The following TCF12 variants were observed in gnomAD, a reference collection of about 807,000 sequenced individuals.
The protein encoded by TCF12 is DNA-binding protein HTF4.
A neutral mutation model predicts 86.0 loss-of-function variants in TCF12; 45 were observed. That is an observed-to-expected ratio of 0.52 (90% CI 0.41 to 0.67). TCF12 has a LOEUF of 0.67. Ranked by LOEUF, TCF12 falls within the 30% of genes least tolerant of loss-of-function variation. The pLI is 0.00. For synonymous variants in TCF12, 330 were observed against 299.6 expected (o/e 1.10, Z -1.05); for missense variants, 881 against 859.9 (o/e 1.02, Z -0.31).
intron 5 of TCF12, among the ~76,000 whole-genome samples, chr15:57,132,150 T>C (rs2052175190): frequency 6.6e-6 from 1 of 152,130 alleles, no homozygotes; most frequent in Non-Finnish European, 1.5e-5. Flanking sequence ...GCCCCCTCAC[T>C]AAAACAAACA....
intron 5 of TCF12, chr15:57,118,568 G>T (rs542757239): frequency 6.6e-6 from 1 of 152,126 alleles, no homozygotes; most frequent in African/African-American, 2.4e-5. Flanking sequence ...TTCTGAACTT[G>T]CCTGTGGAAA....
chr15:57,179,037 A>G (rs773402098), intron 6 of TCF12, among the ~76,000 whole-genome samples: 2 of 136,106 alleles, frequency 1.5e-5, no homozygotes, highest in Non-Finnish European at 3.1e-5. Flanking sequence ...GGAAGTTGAG[A>G]AAAAAAAAAA....
intron 14 of TCF12, 146 bp from the exon 15 acceptor site, chr15:57,252,275 T>C: frequency 1.7e-6 from 1 of 589,028 alleles, no homozygotes; most frequent in South Asian, 2.4e-5. Flanking sequence ...CCCAGCCTTT[T>C]CATATCTTAA....
At chr15:57,071,980 GA>G (rs1206620285) in intron 4 of TCF12, among the ~76,000 whole-genome samples, 3 of 152,092 alleles carry the variant, frequency 2.0e-5, no homozygotes, top group African/African-American at 4.8e-5. Flanking sequence ...CATTTCTGTA[GA>G]AAAAAATGTT....
chr15:57,090,930 G>A (rs949893296), intron 4 of TCF12, among the ~76,000 whole-genome samples: 9 of 152,258 alleles, frequency 5.9e-5, no homozygotes, highest in African/African-American at 1.7e-4. Flanking sequence ...AACCAGGACA[G>A]GTTTCATCAC....
At chr15:57,256,588 T>C (rs16977352) in intron 16 of TCF12, among the ~76,000 whole-genome samples, 7,200 of 136,388 alleles carry the variant, frequency 0.053, 523 homozygotes, top group African/African-American at 0.16. Context: ...TTTGGTCTCT[T>C]ATAACTTTCC....
At chr15:57,121,489 A>G (rs1467295365) in intron 5 of TCF12, among the ~76,000 whole-genome samples, 3 of 152,218 alleles carry the variant, frequency 2.0e-5, no homozygotes, top group East Asian at 1.9e-4. Flanking sequence ...GAGCTTCACT[A>G]TCATAAATAG....
In TCF12 at chr15:57,087,832, G is replaced by A. The variant is rs72731915; in HGVS notation, c.223-3957G>A. On this transcript the variant is annotated intron_variant, in intron 4 of 20. Coordinates refer to ENST00000333725, the MANE Select transcript of TCF12 (RefSeq NM_207037.2). ...TTTTGGTGTTCAATAGCATATTGTG[G>A]CTAAAAGGCTGGTGTAATAGATAAT... 2.5e-3 allele frequency among the ~76,000 whole-genome samples: 386 copies of A among 152,268 alleles called. 2 individuals carry two copies. The highest frequency in any genetic ancestry group is 3.9e-3 in the Non-Finnish European group (263 of 68,018).
intron 18 of TCF12, 119 bp from the exon 19 acceptor site, chr15:57,272,911 C>A (rs1442494795): frequency 4.3e-6 from 4 of 934,658 alleles, no homozygotes; most frequent in Non-Finnish European, 6.4e-6. Context: ...CCTATTACAA[C>A]TGTTTACAAG....
rs373489656 is a variant in TCF12, at chr15:57,275,019, C to G, written c.1978+1757C>G. On this transcript the variant is annotated intron_variant, in intron 19 of 20. Transcript: ENST00000333725. ...TTATTCATTTGTAACATTGGAATTT[C>G]CAGTGGTTCCATGCGGGCACCTAGA... Among the ~76,000 whole-genome samples, 473 of 152,230 alleles carry G rather than the reference C, an allele frequency of 3.1e-3. 3 individuals are homozygous for G. The highest frequency in any genetic ancestry group is 0.011 in the African/African-American group (454 of 41,516).
intron 3 of TCF12, among the ~76,000 whole-genome samples, chr15:56,949,093 A>T (rs1251017415): frequency 6.6e-6 from 1 of 152,240 alleles, no homozygotes; most frequent in Non-Finnish European, 1.5e-5. Context: ...TATAAAAAAT[A>T]CATTGAAATT....
chr15:57,137,011 A>C (rs1431657915), intron 5 of TCF12, among the ~76,000 whole-genome samples: 1 of 103,662 alleles, frequency 9.6e-6, no homozygotes, highest in Non-Finnish European at 1.7e-5. Context: ...ACGGAGTTTC[A>C]CTCTGTCACC....
intron 4 of TCF12, among the ~76,000 whole-genome samples, chr15:57,071,844 A>G (rs2069416829): frequency 6.6e-6 from 1 of 152,172 alleles, no homozygotes; most frequent in South Asian, 2.1e-4. Flanking sequence ...ATAGCATTTG[A>G]ATAGGGCTGG....
At chr15:57,039,585 T>C (rs2066759227) in intron 3 of TCF12, among the ~76,000 whole-genome samples, 1 of 152,232 alleles carries the variant, frequency 6.6e-6, no homozygotes, top group Non-Finnish European at 1.5e-5. Context: ...TCCTTAATTT[T>C]ATCATAGCTT....
At chr15:56,975,617 T>C (rs2062556779) in intron 3 of TCF12, among the ~76,000 whole-genome samples, 1 of 151,236 alleles carries the variant, frequency 6.6e-6, no homozygotes, top group African/African-American at 2.4e-5. Context: ...GCTAAGCATA[T>C]GCTAAAAACT....
chr15:57,231,925 A>G (rs1313461976), intron 9 of TCF12, among the ~76,000 whole-genome samples: 1 of 152,198 alleles, frequency 6.6e-6, no homozygotes, highest in Non-Finnish European at 1.5e-5. Context: ...TATAATGCAC[A>G]TTGCGTGTTA....
At chr15:56,998,457 C>CAAAA (rs71113049) in intron 3 of TCF12, among the ~76,000 whole-genome samples, 7 of 110,644 alleles carry the variant, frequency 6.3e-5, no homozygotes, top group Non-Finnish European at 8.9e-5. Flanking sequence ...AACTCTGTCT[C>CAAAA]AAAAAAAAAA....
At chr15:57,047,937 G>A (rs1267002610) in intron 3 of TCF12, among the ~76,000 whole-genome samples, 1 of 152,152 alleles carries the variant, frequency 6.6e-6, no homozygotes, top group Non-Finnish European at 1.5e-5. Context: ...CCCTATGACT[G>A]TACTGAATAC....
rs557973761 is a variant in TCF12, at chr15:57,273,338, G to C, written c.1978+76G>C. The C allele has an allele frequency of 4.9e-5, 71 of 1,444,324 alleles. 1 individual carries two copies. In the South Asian group the frequency reaches 8.6e-4, roughly 18 times the overall value. The allele number at this position is 1,444,324 out of a possible 1,614,324, so 89.5% of individuals were successfully genotyped here. On this transcript the variant is annotated intron_variant, in intron 19 of 20. Transcript: ENST00000333725. ...CATTTCTGTTTACAGTTGCTCTTCT[G>C]CTTGGAGAAGTTGTTTGTTATTTCT...
Sources: allele counts gnomAD v4.1 joint callset (sites outside exome capture counted in the v4.1 genomes callset), GRCh38; gene constraint gnomAD v4.1.1; transcripts MANE v1.5; gene names NCBI Gene and HGNC (gene_info 2026-07-23, HGNC 2026-07-21).